Variants in FRMD4A observed in about 807,000 individuals in gnomAD.
The protein encoded by FRMD4A is FERM domain-containing protein 4A.
A neutral mutation model predicts 129.1 loss-of-function variants in FRMD4A; 29 were observed. The ratio of observed to expected loss-of-function variants is 0.22; its 90% CI spans 0.17 to 0.31. The LOEUF (loss-of-function observed/expected upper bound fraction) is 0.31. Ranked by LOEUF, FRMD4A falls within the 10% of genes least tolerant of loss-of-function variation. The pLI is 1.00. For missense variants in FRMD4A, 1,272 were observed against 1,375.8 expected (o/e 0.92, Z 1.19); for synonymous variants, 634 against 571.6 (o/e 1.11, Z -1.56).
In FRMD4A at chr10:13,990,945, T is replaced by C. The variant is rs951490317; in HGVS notation, c.46-132033A>G. 3.3e-5 allele frequency among the ~76,000 whole-genome samples: 5 copies of C among 151,926 alleles called. No individual in the cohort carries two copies. In the South Asian group the frequency reaches 8.3e-4, roughly 25 times the overall value. ...ATCAAAAAGAAAGCCAGCCAAGGTA[T>C]GGAGTGGGGGACCTCTAAGTTCCCC... is the stretch of plus-strand genomic sequence containing the variant. On this transcript the variant is annotated intron_variant, in intron 2 of 24. Coordinates refer to ENST00000357447, the MANE Select transcript of FRMD4A (RefSeq NM_018027.5).
At chr10:13,666,058 G>A (rs2134691425) in intron 18 of FRMD4A, 39 bp downstream of exon 18, 2 of 1,280,600 alleles carry the variant, frequency 1.6e-6, no homozygotes, top group Middle Eastern at 3.8e-4. Flanking sequence ...CGGGGCCCGG[G>A]CGTGGGAGTG....
rs182700754 is a variant in FRMD4A, at chr10:13,728,983, C to T, written c.759+8861G>A. On this transcript the variant is annotated intron_variant, in intron 12 of 24. Transcript: ENST00000357447. ...GTCTAGGATTGATGCTTTGAGAAGA[C>T]GATCTCAATTTTCTTAGAATATGAT... is the stretch of plus-strand genomic sequence containing the variant. Among the ~76,000 whole-genome samples, 16 of 152,292 alleles carry T rather than the reference C, an allele frequency of 1.1e-4. No homozygotes were observed. The East Asian group carries it at 3.1e-3, about 29-fold the overall frequency.
At chr10:13,884,230 A>ACTCACACACACTCACACACTCT (rs2094591906) in intron 2 of FRMD4A, among the ~76,000 whole-genome samples, 1 of 129,492 alleles carries the variant, frequency 7.7e-6, no homozygotes, top group African/African-American at 2.8e-5. Flanking sequence ...ACACACACAC[A>ACTCACACACACTCACACACTCT]CACACACACA....
At chr10:13,935,495 C>T (rs994704593) in intron 2 of FRMD4A, among the ~76,000 whole-genome samples, 10 of 133,998 alleles carry the variant, frequency 7.5e-5, no homozygotes, top group Non-Finnish European at 1.1e-4. Context: ...AAATGATCAA[C>T]GATTTTCCAG....
chr10:13,688,003 T>C (rs1181442693), intron 15 of FRMD4A, among the ~76,000 whole-genome samples: 2 of 152,162 alleles, frequency 1.3e-5, no homozygotes, highest in Non-Finnish European at 2.9e-5. Flanking sequence ...GTATCACTAC[T>C]ACGGGATTCA....
chr10:13,685,469 T>C (rs1162007132), intron 15 of FRMD4A: 1 of 984,358 alleles, frequency 1.0e-6, no homozygotes, highest in Non-Finnish European at 1.2e-6. Flanking sequence ...TTCCATTTCT[T>C]AGGCTGTGAA....
chr10:14,173,766 G>T (rs778847653), intron 2 of FRMD4A, among the ~76,000 whole-genome samples: 1 of 152,004 alleles, frequency 6.6e-6, no homozygotes, highest in Admixed American at 6.5e-5. Flanking sequence ...CTAATCAACC[G>T]AGAGGCGAAC....
intron 2 of FRMD4A, among the ~76,000 whole-genome samples, chr10:13,890,272 A>G (rs967739038): frequency 3.9e-5 from 6 of 152,224 alleles, no homozygotes; most frequent in African/African-American, 7.2e-5. Context: ...GCTGCCCCCA[A>G]TGCAAAAGCA....
At chr10:13,653,269 T>G (rs2081833817) in intron 23 of FRMD4A, 1 of 152,108 alleles carries the variant, frequency 6.6e-6, no homozygotes, top group Non-Finnish European at 1.5e-5. Flanking sequence ...ATCCTAGCAC[T>G]TTGGGAAGCT....
intron 12 of FRMD4A, among the ~76,000 whole-genome samples, chr10:13,734,492 A>G (rs2090508289): frequency 6.6e-6 from 1 of 152,164 alleles, no homozygotes; most frequent in South Asian, 2.1e-4. Context: ...TTGATGTTCC[A>G]GAATGAAGGG....
chr10:14,229,910 T>C (rs1442368305), intron 2 of FRMD4A, among the ~76,000 whole-genome samples: 2 of 152,222 alleles, frequency 1.3e-5, no homozygotes, highest in African/African-American at 4.8e-5. Context: ...CTGCCCCAAA[T>C]CAAAACATGA....
At chr10:14,171,507 G>A (rs1366634870) in intron 2 of FRMD4A, among the ~76,000 whole-genome samples, 2 of 152,160 alleles carry the variant, frequency 1.3e-5, no homozygotes, top group Non-Finnish European at 2.9e-5. Flanking sequence ...AAGTGTGGCC[G>A]CCCACCCAGG....
chr10:13,760,509 A>G (rs909640723), intron 8 of FRMD4A, among the ~76,000 whole-genome samples: 2 of 152,038 alleles, frequency 1.3e-5, no homozygotes, highest in African/African-American at 4.8e-5. Flanking sequence ...ACAGAAGGAG[A>G]CCTTGTCTCT....
intron 2 of FRMD4A, among the ~76,000 whole-genome samples, chr10:14,236,506 G>C (rs1452319209): frequency 6.6e-6 from 1 of 152,170 alleles, no homozygotes; most frequent in Non-Finnish European, 1.5e-5. Context: ...CTGGATGCTT[G>C]CTGCTGCTGC....
chr10:14,184,798 T>C (rs1842033237), intron 2 of FRMD4A, among the ~76,000 whole-genome samples: 2 of 152,262 alleles, frequency 1.3e-5, no homozygotes, highest in Middle Eastern at 3.4e-3. Flanking sequence ...TAAAGGCGCA[T>C]TTTCTTATTT....
chr10:14,324,094 A>C (rs1271725527), intron 2 of FRMD4A, among the ~76,000 whole-genome samples: 1 of 152,228 alleles, frequency 6.6e-6, no homozygotes, highest in Admixed American at 6.5e-5. Context: ...CCTTTCTGCC[A>C]ATGCTAGCAG....
chr10:14,322,150 C>T (rs1232623811), intron 2 of FRMD4A, among the ~76,000 whole-genome samples: 1 of 152,114 alleles, frequency 6.6e-6, no homozygotes, highest in Non-Finnish European at 1.5e-5. Context: ...GAATGAACTA[C>T]TACACTAGGT....
chr10:14,133,998 T>C (rs1839401790), intron 2 of FRMD4A, among the ~76,000 whole-genome samples: 1 of 152,206 alleles, frequency 6.6e-6, no homozygotes, highest in Admixed American at 6.5e-5. Context: ...GTCTATCTTG[T>C]GAAGCCTCTG....
intron 2 of FRMD4A, among the ~76,000 whole-genome samples, chr10:14,167,538 CAAAA>C (rs59290414): frequency 1.9e-4 from 11 of 57,576 alleles, no homozygotes; most frequent in African/African-American, 7.5e-4. Flanking sequence ...CTCCGTCTCT[CAAAA>C]AAAAAAAAAA....
Sources: gnomAD v4.1 joint callset for allele counts (sites outside exome capture counted in the v4.1 genomes callset) on GRCh38, gnomAD v4.1.1 for gene constraint, MANE v1.5 for transcripts, NCBI Gene and HGNC (gene_info 2026-07-23, HGNC 2026-07-21) for gene names.